Variants in MSR1 observed in about 807,000 individuals in gnomAD.
MSR1 encodes macrophage scavenger receptor 1.
A neutral mutation model predicts 47.2 loss-of-function variants in MSR1; 53 were observed. That is an observed-to-expected ratio of 1.12 (90% CI 0.90 to 1.41). The LOEUF is 1.41. MSR1 is among the 40% of genes most tolerant of loss of function. The pLI is 0.00. For synonymous variants in MSR1, 239 were observed against 185.6 expected, an observed-to-expected ratio of 1.29 and a Z score of -2.34; for missense variants, 786 against 546.9, an observed-to-expected ratio of 1.44 and a Z score of -4.36.
intron 3 of MSR1, among the ~76,000 whole-genome samples, chr8:16,174,488 A>C (rs1473017270): frequency 2.6e-5 from 4 of 152,212 alleles, no homozygotes; most frequent in Non-Finnish European, 5.9e-5. Context: ...CCCTTGTAGA[A>C]ACAGTCAAAT....
chr8:16,143,543 A>C lies in MSR1; in HGVS notation c.1033+15T>G, dbSNP rs770016878. Reference sequence around the variant, plus strand: ...TACAAGAATTCACACAGAAAACAAAATACTATATACTTACTTAATGTGTTT... The same window carrying C: ...TACAAGAATTCACACAGAAAACAAACTACTATATACTTACTTAATGTGTTT... On this transcript the variant is annotated intron_variant, in intron 8 of 9. Transcript: ENST00000262101. The C allele has an allele frequency of 1.1e-5, 17 of 1,609,094 alleles. No homozygotes were observed. In the South Asian group the frequency reaches 1.9e-4, roughly 18 times the overall value.
intron 3 of MSR1, among the ~76,000 whole-genome samples, chr8:16,170,216 C>T (rs546286265): frequency 3.3e-5 from 5 of 152,028 alleles, no homozygotes; most frequent in East Asian, 1.9e-4. Flanking sequence ...GGCGTGGTGG[C>T]GGGCGCCTGC....
intron 7 of MSR1, among the ~76,000 whole-genome samples, chr8:16,144,588 G>A (rs1259021492): frequency 6.6e-6 from 1 of 152,032 alleles, no homozygotes; most frequent in African/African-American, 2.4e-5. Flanking sequence ...CCCCTGTGTT[G>A]AGTTATTTTG....
intron 6 of MSR1, 80 bp downstream of exon 6, chr8:16,154,984 G>T: frequency 8.5e-7 from 1 of 1,181,086 alleles, no homozygotes; most frequent in Non-Finnish European, 1.3e-6. Flanking sequence ...AAATAAAATA[G>T]CAATCCTCCC....
chr8:16,125,113 C>G (rs17122464), intron 8 of MSR1, among the ~76,000 whole-genome samples: 3 of 152,096 alleles, frequency 2.0e-5, no homozygotes, highest in South Asian at 2.1e-4. Context: ...ATCAGAGAAG[C>G]CTGAGACATT....
intron 6 of MSR1, among the ~76,000 whole-genome samples, chr8:16,153,265 A>C (rs1018830232): frequency 2.0e-5 from 3 of 152,066 alleles, no homozygotes; most frequent in African/African-American, 7.2e-5. Flanking sequence ...TGATTTCGGC[A>C]TCAAATATAA....
At chr8:16,143,914 C>A (rs1800628808) in intron 7 of MSR1, among the ~76,000 whole-genome samples, 1 of 152,056 alleles carries the variant, frequency 6.6e-6, no homozygotes, top group Non-Finnish European at 1.5e-5. Flanking sequence ...TTCTCCTCTT[C>A]CTTTGACTGG....
rs1176151413 is a variant in MSR1 at position 16,190,034 on chromosome 8, C to G, written c.-5+2564G>C. Among the ~76,000 whole-genome samples, 6 of 150,472 alleles carry G rather than the reference C, an allele frequency of 4.0e-5. No individual in the cohort carries two copies. The East Asian group carries it at 1.2e-3, about 30-fold the overall frequency. The stretch of plus-strand genomic sequence containing the variant: ...GGTTCACGTGATTCTCCTGCCTCAG[C>G]TTCCCGAGTAGCGGGATTATAGGCG... On this transcript the variant is annotated intron_variant, in intron 1 of 9. Coordinates refer to ENST00000262101, the MANE Select transcript of MSR1 (RefSeq NM_138715.3).
In MSR1 at chr8:16,120,489, C is replaced by A. The variant is rs762767495; in HGVS notation, c.1151G>T (p.Gly384Val). 2.5e-6 allele frequency: 4 copies of A among 1,613,952 alleles called. No homozygotes were observed. The highest frequency in any genetic ancestry group is 1.6e-4 in the Middle Eastern group (1 of 6,062). The change falls in exon 9 of 10, where the codon GGA (glycine) becomes GTA (valine). Residue 384 changes from glycine (G) to valine (V), a missense_variant. By Grantham distance (109) the Gly-to-Val change is moderately radical (BLOSUM62 -3). Coordinates refer to ENST00000262101, the MANE Select transcript of MSR1 (RefSeq NM_138715.3). The part of the protein sequence containing the change: ...ICDDRWEVRV[G>V]QVVCRSLGYP... ...TCCCAAGCTCCTACAGACGACCTGT[C>A]CAACGCGCACTTCCCAGCGATCGTC... is the stretch of plus-strand genomic sequence containing the variant.
At chr8:16,189,371 T>C (rs1802103804) in intron 1 of MSR1, among the ~76,000 whole-genome samples, 1 of 94,986 alleles carries the variant, frequency 1.1e-5, no homozygotes, top group Non-Finnish European at 1.8e-5. Context: ...TTTATATATA[T>C]TTTATATATA....
intron 8 of MSR1, among the ~76,000 whole-genome samples, chr8:16,128,784 A>T (rs1484888833): frequency 6.6e-6 from 1 of 152,122 alleles, no homozygotes. Context: ...TTCCGAAAAT[A>T]ATCACTTTGT....
chr8:16,168,831 C>A lies in MSR1; in HGVS notation c.257G>T (p.Ser86Ile). Reference sequence around the variant, plus strand: ...AGTTATATCATTTGCATTAGTTGAACTAACTGAGCAATTCTTCGTTTCCCA... The same window carrying A: ...AGTTATATCATTTGCATTAGTTGAAATAACTGAGCAATTCTTCGTTTCCCA... ...LKWETKNCSV[S>I]STNANDITQS... Residue 86 changes from serine (S) to isoleucine (I), a missense_variant, in exon 4 of 10, where the codon AGT (serine) becomes ATT (isoleucine). Coordinates refer to ENST00000262101, the MANE Select transcript of MSR1 (RefSeq NM_138715.3). The A allele has an allele frequency of 1.2e-6, 2 of 1,613,774 alleles. No individual in the cohort carries two copies. Among genetic ancestry groups the A allele is most frequent in the South Asian group, 1.1e-5 (1 of 91,076 alleles).
chr8:16,168,704 A>C lies in MSR1; in HGVS notation c.384T>G (p.Ile128Met). ...MSNMEKRIQH[I>M]LDMEANLMDT... ...CCATGAGGTTGGCTTCCATGTCTAA[A>C]ATATGCTGGATTCTCTTCTCCATGT... Residue 128 changes from isoleucine to methionine, a missense_variant, in exon 4 of 10, where the codon ATT becomes ATG. Ile to Met is a conservative substitution (Grantham distance 10). Transcript: ENST00000262101. The C allele has an allele frequency of 6.2e-7, 1 of 1,614,156 alleles. No homozygotes were observed. Among genetic ancestry groups the C allele is most frequent in the Non-Finnish European group, 8.5e-7 (1 of 1,180,014 alleles).
At position 16,108,254 on chromosome 8, in the gene MSR1, A is replaced by T. The variant is rs1799679954; in HGVS notation, c.*1831T>A. ...TATTATTATTTTAAAGGTAAATTTTATTTTAAAATAAAAATAGTAATAGTA... is the reference window on the plus strand; with the variant it reads ...TATTATTATTTTAAAGGTAAATTTTTTTTTAAAATAAAAATAGTAATAGTA... On this transcript the variant is annotated 3_prime_UTR_variant, in exon 10 of 10. Coordinates refer to ENST00000262101, the MANE Select transcript of MSR1 (RefSeq NM_138715.3). 2 of 150,604 alleles carry T rather than the reference A, an allele frequency of 1.3e-5. No individual in the cohort carries two copies. Among genetic ancestry groups the T allele is most frequent in the South Asian group, 4.2e-4 (2 of 4,800 alleles). 9.3% of individuals were successfully genotyped at this position (150,604 alleles called of 1,614,324 possible).
At chr8:16,185,847 A>G (rs1452707112) in intron 1 of MSR1, among the ~76,000 whole-genome samples, 1 of 111,376 alleles carries the variant, frequency 9.0e-6, no homozygotes, top group Non-Finnish European at 1.7e-5. Context: ...TTTTTTCAGG[A>G]AAAAAAAAAA....
intron 8 of MSR1, among the ~76,000 whole-genome samples, chr8:16,126,425 T>C (rs531024874): frequency 4.6e-5 from 7 of 152,292 alleles, no homozygotes; most frequent in African/African-American, 1.7e-4. Flanking sequence ...TTTATTACAA[T>C]GGTAGTTATG....
At chr8:16,161,212 A>G (rs1801154015) in intron 5 of MSR1, among the ~76,000 whole-genome samples, 1 of 151,844 alleles carries the variant, frequency 6.6e-6, no homozygotes, top group African/African-American at 2.4e-5. Context: ...TAGGACTTAC[A>G]AATGGATTAC....
chr8:16,140,759 G>A, intron 8 of MSR1: 1 of 1,434,842 alleles, frequency 7.0e-7, no homozygotes, highest in African/African-American at 1.4e-5. Flanking sequence ...GGGGTGATAG[G>A]GGAGAGAGGT....
At chr8:16,175,938 T>C (rs1257899457) in intron 2 of MSR1, among the ~76,000 whole-genome samples, 7 of 152,172 alleles carry the variant, frequency 4.6e-5, no homozygotes. Context: ...TAACCTTTTA[T>C]TCATATGCAT....
Sources: gnomAD v4.1 joint callset for allele counts (sites outside exome capture counted in the v4.1 genomes callset) on GRCh38, gnomAD v4.1.1 for gene constraint, MANE v1.5 for transcripts, NCBI Gene and HGNC (gene_info 2026-07-23, HGNC 2026-07-21) for gene names.